The following HTR2A variants were observed in gnomAD, a reference collection of about 807,000 sequenced individuals.
HTR2A encodes the protein 5-hydroxytryptamine receptor 2A.
HTR2A carries 14 observed loss-of-function variants against 31.0 expected under a neutral mutation model. The ratio of observed to expected loss-of-function variants is 0.45; its 90% confidence interval spans 0.30 to 0.71. The LOEUF is 0.71. HTR2A is among the 30% of genes least tolerant of loss of function. HTR2A has a pLI of 0.09. For synonymous variants in HTR2A, 209 were observed against 225.2 expected, an observed-to-expected ratio of 0.93 and a Z score of 0.64; for missense variants, 442 against 573.3, an observed-to-expected ratio of 0.77 and a Z score of 2.34.
At chr13:46,851,163 G>A (rs1950681908) in intron 3 of HTR2A, among the ~76,000 whole-genome samples, 1 of 152,196 alleles carries the variant, frequency 6.6e-6, no homozygotes, top group African/African-American at 2.4e-5. Context: ...TTGTGTGTAT[G>A]TGTCTGTGTA....
At chr13:46,869,465 C>T (rs1407763687) in intron 3 of HTR2A, among the ~76,000 whole-genome samples, 2 of 152,032 alleles carry the variant, frequency 1.3e-5, no homozygotes, top group African/African-American at 2.4e-5. Flanking sequence ...AACCCTTGTA[C>T]GTTGATGGCG....
intron 3 of HTR2A, among the ~76,000 whole-genome samples, chr13:46,874,992 C>T (rs1593439404): frequency 6.6e-6 from 1 of 152,164 alleles, no homozygotes; most frequent in South Asian, 2.1e-4. Context: ...AACTTTAATA[C>T]AAAATTACCC....
rs1035123423 is a variant in HTR2A, at chr13:46,831,636, C to A, written c.*3201G>T. On this transcript the variant is annotated 3_prime_UTR_variant, in exon 4 of 4. Transcript: ENST00000542664. ...GATTAAAATAAGTTCATAAAATAAT[C>A]TTCACTGTATTTGTTACATATGGCA... 3 of 152,226 alleles carry A rather than the reference C, an allele frequency of 2.0e-5. No homozygotes were observed. Among genetic ancestry groups the A allele is most frequent in the African/African-American group, 7.2e-5 (3 of 41,454 alleles). The allele number at this position is 152,226 out of a possible 1,614,324, so 9.4% of individuals were successfully genotyped here.
intron 3 of HTR2A, among the ~76,000 whole-genome samples, chr13:46,860,859 C>G (rs1385835952): frequency 6.6e-6 from 1 of 152,090 alleles, no homozygotes; most frequent in Non-Finnish European, 1.5e-5. Context: ...AACAGAGCTG[C>G]TTACTCAGGC....
intron 3 of HTR2A, among the ~76,000 whole-genome samples, chr13:46,855,272 G>T (rs1454589880): frequency 6.6e-6 from 1 of 152,184 alleles, no homozygotes; most frequent in Non-Finnish European, 1.5e-5. Context: ...CTGCCTTCCA[G>T]GAGAAGTGAT....
At chr13:46,881,137 G>A (rs781077741) in intron 3 of HTR2A, among the ~76,000 whole-genome samples, 4 of 152,304 alleles carry the variant, frequency 2.6e-5, no homozygotes, top group Middle Eastern at 3.4e-3. Context: ...ATATTTTACC[G>A]TATTGTGCTT....
At position 46,861,729 on chromosome 13, in the gene HTR2A, G is replaced by C. The variant is rs59819360; in HGVS notation, c.614-26090C>G. Among the ~76,000 whole-genome samples the C allele has an allele frequency of 5.6e-3, 855 of 152,320 alleles. 6 individuals are homozygous for C. Among genetic ancestry groups the C allele is most frequent in the Middle Eastern group, 0.031 (9 of 294 alleles). ...AAGTTTTGAGGAGTGGATTATTTCAGAGCAATTAGTGTTTGGGAGAGGGAA... is the reference window on the plus strand; with the variant it reads ...AAGTTTTGAGGAGTGGATTATTTCACAGCAATTAGTGTTTGGGAGAGGGAA... On this transcript the variant is annotated intron_variant, in intron 3 of 3. Transcript: ENST00000542664.
chr13:46,835,409 T>C lies in HTR2A; in HGVS notation c.844A>G (p.Ser282Gly), dbSNP rs1357593690. The C allele has an allele frequency of 4.3e-6, 7 of 1,614,142 alleles. No homozygotes were observed. Among genetic ancestry groups the C allele is most frequent in the Non-Finnish European group, 5.1e-6 (6 of 1,180,012 alleles). ...LGTRAKLASF[S>G]FLPQSSLSSE... ...GACAAAGAACTCTGAGGGAGGAAGC[T>C]GAAAGAAGCTAATTTGGCCCGTGTG... Residue 282 changes from serine (S) to glycine (G), a missense_variant, in exon 4 of 4, where the codon AGC becomes GGC. Coordinates refer to ENST00000542664, the MANE Select transcript of HTR2A (RefSeq NM_000621.5).
At position 46,835,617 on chromosome 13, in the gene HTR2A, G is replaced by A; in HGVS notation, c.636C>T (p.Val212=). Residue 212 remains valine (V), a synonymous_variant, in exon 4 of 4, where the codon GTC becomes GTT. Transcript: ENST00000542664. ...ISVGISMPIP[V]FGLQDDSKVF... ...CCTTCGAATCGTCCTGTAGCCCAAA[G>A]ACTGGTATTGGCATGGATATACCTG... 6.2e-7 allele frequency: 1 copy of A among 1,613,324 alleles called. No homozygotes were observed. The highest frequency in any genetic ancestry group is 1.1e-5 in the South Asian group (1 of 91,032).
chr13:46,851,812 C>T (rs186026771), intron 3 of HTR2A, among the ~76,000 whole-genome samples: 156 of 152,322 alleles, frequency 1.0e-3, no homozygotes, highest in African/African-American at 3.7e-3. Flanking sequence ...GAATAATGGT[C>T]CCCAAAGATG....
intron 3 of HTR2A, among the ~76,000 whole-genome samples, chr13:46,889,855 C>T (rs12876614): frequency 0.18 from 26,775 of 152,174 alleles, 2,657 homozygotes; most frequent in Non-Finnish European, 0.21. Flanking sequence ...ATTAGATCTG[C>T]CTTTTTCCTT....
In HTR2A at chr13:46,895,884, T is replaced by G; in HGVS notation, c.23A>C (p.Asn8Thr). 1 of 1,611,442 alleles carries G rather than the reference T, an allele frequency of 6.2e-7. No individual in the cohort carries two copies. Among genetic ancestry groups the G allele is most frequent in the Non-Finnish European group, 8.5e-7 (1 of 1,178,524 alleles). MDILCEE[N>T]TSLSSTTNSL... ...GTTCGTAGTTGAGCTCAAAGAAGTA[T>G]TTTCTTCACAAAGAATATCCATGTC... The change falls in exon 2 of 4, where the codon AAT becomes ACT. Residue 8 changes from asparagine to threonine, a missense_variant. Around this residue, in one of 5 missense-constraint regions of HTR2A, gnomAD observed 83 missense variants for 84.8 expected, o/e 0.98. Coordinates refer to ENST00000542664, the MANE Select transcript of HTR2A (RefSeq NM_000621.5). This position sits in a 1 kb window ranked among gnomAD's most constrained non-coding sequence, Gnocchi z 4.4.
chr13:46,861,137 A>G (rs1950775537), intron 3 of HTR2A, among the ~76,000 whole-genome samples: 1 of 152,340 alleles, frequency 6.6e-6, no homozygotes, highest in South Asian at 2.1e-4. Flanking sequence ...CTGGTAGGAA[A>G]TTGAACTGAA....
intron 3 of HTR2A, among the ~76,000 whole-genome samples, chr13:46,854,661 G>A (rs1044312586): frequency 3.5e-4 from 54 of 152,140 alleles, no homozygotes; most frequent in African/African-American, 1.2e-3. Context: ...CCCTGGGGTT[G>A]TAAGATCTTA....
Position 46,895,766 on chromosome 13 carries a change from G to A in HTR2A, c.141C>T (p.Val47=), listed in dbSNP as rs201794484. 284 of 1,614,190 alleles carry A rather than the reference G, an allele frequency of 1.8e-4. No individual in the cohort carries two copies. Among genetic ancestry groups the A allele is most frequent in the Non-Finnish European group, 1.2e-4 (143 of 1,180,036 alleles). Residue 47 remains valine (V), a synonymous_variant, in exon 2 of 4, where the codon GTC becomes GTT. Coordinates refer to ENST00000542664, the MANE Select transcript of HTR2A (RefSeq NM_000621.5). The surrounding 1 kb of genome is among the most constrained non-coding windows in gnomAD (Gnocchi z 4.4). ...ANTSDAFNWT[V]DSENRTNLSC... ...AAAGGTTGGTTCGATTTTCAGAGTCGACTGTCCAGTTAAATGCATCAGAAG... is the reference window on the plus strand; with the variant it reads ...AAAGGTTGGTTCGATTTTCAGAGTCAACTGTCCAGTTAAATGCATCAGAAG...
intron 3 of HTR2A, among the ~76,000 whole-genome samples, chr13:46,842,508 A>C (rs1324129152): frequency 6.6e-6 from 1 of 152,066 alleles, no homozygotes; most frequent in African/African-American, 2.4e-5. Context: ...CATAATCTAG[A>C]CCCACAACAG....
intron 3 of HTR2A, among the ~76,000 whole-genome samples, chr13:46,885,476 A>G (rs1950999055): frequency 6.6e-6 from 1 of 152,242 alleles, no homozygotes; most frequent in Non-Finnish European, 1.5e-5. Flanking sequence ...TCTCAACTTA[A>G]TATTTTTAAG....
At chr13:46,883,256 G>C (rs1023464563) in intron 3 of HTR2A, among the ~76,000 whole-genome samples, 1 of 117,926 alleles carries the variant, frequency 8.5e-6, no homozygotes, top group Non-Finnish European at 1.9e-5. Context: ...CAAGAGGTTA[G>C]GTCCAGGAAG....
intron 3 of HTR2A, among the ~76,000 whole-genome samples, chr13:46,857,342 A>G (rs1593432909): frequency 1.3e-5 from 2 of 151,826 alleles, no homozygotes; most frequent in South Asian, 4.2e-4. Context: ...TCAAGGCTGG[A>G]ATGTCCAAGA....
Sources: gnomAD v4.1 joint callset for allele counts (sites outside exome capture counted in the v4.1 genomes callset) on GRCh38, gnomAD v4.1.1 for gene constraint, gnomAD v4.1.1 regional missense constraint, Gnocchi (gnomAD v3.1) non-coding constraint, MANE v1.5 for transcripts, NCBI Gene and HGNC (gene_info 2026-07-23, HGNC 2026-07-21) for gene names.